XPA: variants seen among roughly 807,000 people sequenced by gnomAD.
The protein encoded by XPA is DNA repair protein complementing XP-A cells.
XPA carries 27 observed loss-of-function variants against 35.7 expected under a neutral mutation model. That is an observed-to-expected ratio of 0.76 (90% CI 0.56 to 1.04). The LOEUF is 1.04. Ranked by LOEUF, XPA falls within the 50% of genes least tolerant of loss-of-function variation. The pLI, the probability that XPA is intolerant of heterozygous loss-of-function variation, is 0.00. For synonymous variants in XPA, 133 were observed against 118.4 expected, an observed-to-expected ratio of 1.12 and a Z score of -0.80; for missense variants, 354 against 342.7, an observed-to-expected ratio of 1.03 and a Z score of -0.26.
the XPA span, chr9:97,658,618 G>C: frequency 6.5e-7 from 1 of 1,541,564 alleles, no homozygotes; most frequent in Non-Finnish European, 9.0e-7. Flanking sequence ...GATATTTTCT[G>C]AGGCTGTTAT....
At chr9:97,668,396 C>T in the XPA span, among the ~76,000 whole-genome samples, 219 of 152,350 alleles carry the variant, frequency 1.4e-3, 3 homozygotes, top group Middle Eastern at 0.027. Flanking sequence ...AAGTCTTAAA[C>T]AGCCCACTTT....
At chr9:97,661,166 CTA>C in the XPA span, 1 of 1,477,356 alleles carries the variant, frequency 6.8e-7, no homozygotes, top group Non-Finnish European at 9.2e-7. Flanking sequence ...AGCAATATAT[CTA>C]TATCTGTTTG....
At chr9:97,669,988 T>C, downstream of XPA, 1 of 438,960 alleles carries the variant, frequency 2.3e-6, no homozygotes, top group East Asian at 5.0e-5. Context: ...AGTGACACGA[T>C]CTCAGCTCAC....
At chr9:97,670,167 C>T (rs781176364), downstream of XPA, 10 of 230,644 alleles carry the variant, frequency 4.3e-5, no homozygotes, top group Non-Finnish European at 7.9e-5. Flanking sequence ...AGGAGGCCTC[C>T]GCCTCCCAAA....
In XPA at chr9:97,684,976, C is replaced by A; in HGVS notation, c.620G>T (p.Arg207Leu). 1 of 1,613,410 alleles carries A rather than the reference C, an allele frequency of 6.2e-7. No individual in the cohort carries two copies. Among genetic ancestry groups the A allele is most frequent in the South Asian group, 1.1e-5 (1 of 91,046 alleles). ...TTTCATTTTTTCTCGGTTTTCCTGT[C>A]GGACTTCCTTTGCTTCTTCTAATGC... ...QEALEEAKEV[R>L]QENREKMKQK... The change falls in exon 5 of 6, where the codon CGA becomes CTA. Residue 207 changes from arginine to leucine, a missense_variant. Arg to Leu is a moderately radical substitution (Grantham distance 102). Coordinates refer to ENST00000375128, the MANE Select transcript of XPA (RefSeq NM_000380.4).
At chr9:97,660,816 C>A in the XPA span, 1 of 1,072,492 alleles carries the variant, frequency 9.3e-7, no homozygotes, top group Non-Finnish European at 1.3e-6. Flanking sequence ...TAAATATTGA[C>A]CTTGGGATAA....
the XPA span, chr9:97,664,284 T>C: frequency 4.5e-6 from 5 of 1,121,766 alleles, no homozygotes; most frequent in East Asian, 1.2e-4. Flanking sequence ...TGGTGGCACA[T>C]ATATATGTGT....
At chr9:97,693,055 T>A (rs1189466729) in intron 2 of XPA, among the ~76,000 whole-genome samples, 1 of 148,270 alleles carries the variant, frequency 6.7e-6, no homozygotes, top group Non-Finnish European at 1.5e-5. Flanking sequence ...TAGGTCTTTT[T>A]TTTTTTTTTT....
At chr9:97,688,015 G>A (rs997832966) in intron 3 of XPA, among the ~76,000 whole-genome samples, 5 of 152,130 alleles carry the variant, frequency 3.3e-5, no homozygotes, top group African/African-American at 1.2e-4. Context: ...AGTTAAAACT[G>A]GGAAGAGCTA....
the XPA span, chr9:97,662,204 G>GATA: frequency 8.2e-7 from 1 of 1,221,692 alleles, no homozygotes; most frequent in African/African-American, 1.5e-5. Context: ...GAACACCAGT[G>GATA]GTATGGTAAT....
chr9:97,655,685 C>T, the XPA span: 1 of 1,598,514 alleles, frequency 6.3e-7, no homozygotes, highest in Non-Finnish European at 8.5e-7. Flanking sequence ...CTGCCTACCT[C>T]CCCCTTCTCT....
intron 5 of XPA, among the ~76,000 whole-genome samples, chr9:97,681,664 G>T (rs901219150): frequency 6.6e-6 from 1 of 152,052 alleles, no homozygotes; most frequent in Non-Finnish European, 1.5e-5. Context: ...AACCCAAAAC[G>T]TTCTGTACAT....
At chr9:97,688,973 G>C (rs1828801548) in intron 3 of XPA, among the ~76,000 whole-genome samples, 1 of 152,082 alleles carries the variant, frequency 6.6e-6, no homozygotes. Flanking sequence ...AGTAGTGATA[G>C]GAGAACCACG....
chr9:97,666,996 C>T, the XPA span: 1 of 747,658 alleles, frequency 1.3e-6, no homozygotes, highest in Non-Finnish European at 2.0e-6. Context: ...TAATGCAGAG[C>T]AGAAATTTTT....
intron 2 of XPA, among the ~76,000 whole-genome samples, chr9:97,691,642 G>T (rs1015530919): frequency 1.3e-5 from 2 of 152,106 alleles, no homozygotes; most frequent in African/African-American, 4.8e-5. Context: ...GTGCCCATGA[G>T]GTGGAGGTTG....
the XPA span, chr9:97,654,783 CATT>C: frequency 9.4e-7 from 1 of 1,058,292 alleles, no homozygotes. Context: ...CATTATTAAT[CATT>C]ATAAAGACTT....
chr9:97,678,725 T>C (rs1385264178), intron 5 of XPA, among the ~76,000 whole-genome samples: 1 of 152,184 alleles, frequency 6.6e-6, no homozygotes, highest in Non-Finnish European at 1.5e-5. Flanking sequence ...ACAATTTCTT[T>C]TTGCTTATCA....
chr9:97,670,339 C>T (rs1828151648), downstream of XPA, among the ~76,000 whole-genome samples: 1 of 152,194 alleles, frequency 6.6e-6, no homozygotes, highest in South Asian at 2.1e-4. Flanking sequence ...ATCCAATGTG[C>T]AGGTGGTAAA....
chr9:97,662,934 T>C, the XPA span: 1 of 1,564,426 alleles, frequency 6.4e-7, no homozygotes, highest in South Asian at 1.1e-5. Flanking sequence ...ATGGTATTTT[T>C]TTCCCATCAT....
Sources: gnomAD v4.1 joint callset for allele counts (sites outside exome capture counted in the v4.1 genomes callset) on GRCh38, gnomAD v4.1.1 for gene constraint, MANE v1.5 for transcripts, NCBI Gene and HGNC (gene_info 2026-07-23, HGNC 2026-07-21) for gene names.